The following OR56A3 variants were observed in gnomAD, a reference collection of about 807,000 sequenced individuals.
OR56A3 encodes olfactory receptor family 56 subfamily A member 3, also known as olfactory receptor 56A3.
In OR56A3, 23 loss-of-function variants were observed where a neutral mutation model predicts 17.5. The observed-to-expected ratio is 1.32, with a 90% CI of 0.95 to 1.87. OR56A3 has a LOEUF of 1.87. Ranked by LOEUF, OR56A3 falls within the 40% of genes most tolerant of loss-of-function variation. The probability of loss-of-function intolerance (pLI) is 0.00; values close to 1 mark genes in which losing one functional copy is unlikely to be tolerated. For missense variants in OR56A3, 366 were observed against 380.1 expected (o/e 0.96, Z 0.31); for synonymous variants, 175 against 150.6 (o/e 1.16, Z -1.19).
At chr11:5,972,950 C>G in the OR56A3 span, among the ~76,000 whole-genome samples, 1 of 152,196 alleles carries the variant, frequency 6.6e-6, no homozygotes, top group African/African-American at 2.4e-5. Flanking sequence ...GACTACTTGA[C>G]TACACAGACC....
the OR56A3 span, chr11:5,994,279 A>G: frequency 6.5e-6 from 4 of 613,426 alleles, no homozygotes; most frequent in African/African-American, 3.6e-5. Flanking sequence ...TCTCAGCTCC[A>G]TGAGTGTCAT....
chr11:5,962,554 C>T, the OR56A3 span, among the ~76,000 whole-genome samples: 8 of 132,496 alleles, frequency 6.0e-5, no homozygotes, highest in Non-Finnish European at 1.3e-4. Context: ...TTTTTTGAGA[C>T]GGAGTCTCTC....
chr11:5,994,484 A>G, the OR56A3 span: 8 of 761,330 alleles, frequency 1.1e-5, no homozygotes, highest in East Asian at 1.5e-4. Context: ...AGAGCTGGCA[A>G]TCTGAGCTTG....
downstream of OR56A3, among the ~76,000 whole-genome samples, chr11:5,955,230 C>T (rs879823386): frequency 9.9e-5 from 15 of 152,076 alleles, no homozygotes; most frequent in Non-Finnish European, 2.2e-4. Flanking sequence ...AGCTAATCTA[C>T]ATAAAAAGTA....
chr11:5,948,381 C>A lies in OR56A3; in HGVS notation c.*87C>A. 1.2e-6 allele frequency: 1 copy of A among 866,336 alleles called. No homozygotes were observed. Among genetic ancestry groups the A allele is most frequent in the Non-Finnish European group, 1.8e-6 (1 of 553,650 alleles). The allele number at this position is 866,336 out of a possible 1,614,324, so 53.7% of individuals were successfully genotyped here. A position where few individuals can be genotyped will look rare whatever the true frequency, so the allele number is the denominator to read the frequency against. On this transcript the variant is annotated 3_prime_UTR_variant, in exon 3 of 3. Transcript: ENST00000641160. Reference sequence around the variant, plus strand: ...AGTGGGCTGAAATTCATATCTGTGACTTATAACCTCAAACTGGGTACACTA... The same window carrying A: ...AGTGGGCTGAAATTCATATCTGTGAATTATAACCTCAAACTGGGTACACTA...
chr11:6,008,939 T>C, the OR56A3 span, among the ~76,000 whole-genome samples: 1 of 152,108 alleles, frequency 6.6e-6, no homozygotes, highest in African/African-American at 2.4e-5. Context: ...TGTTATTTCA[T>C]CTAATCCGAA....
At chr11:6,002,430 G>A in the OR56A3 span, 7 of 1,614,244 alleles carry the variant, frequency 4.3e-6, no homozygotes, top group East Asian at 8.9e-5. Flanking sequence ...AGAGAGTTTG[G>A]ACACAGACAG....
the OR56A3 span, among the ~76,000 whole-genome samples, chr11:5,989,350 G>A: frequency 6.6e-6 from 1 of 152,212 alleles, no homozygotes; most frequent in African/African-American, 2.4e-5. Context: ...AGTGTGAGCA[G>A]AGCAGTGAGG....
the OR56A3 span, among the ~76,000 whole-genome samples, chr11:5,996,042 T>C: frequency 1.3e-5 from 2 of 152,214 alleles, no homozygotes; most frequent in African/African-American, 2.4e-5. Flanking sequence ...GGCTCATCCA[T>C]ACTATAGCAC....
chr11:6,020,671 C>T, the OR56A3 span: 2 of 152,110 alleles, frequency 1.3e-5, no homozygotes, highest in African/African-American at 4.8e-5. Flanking sequence ...TATCCTGCAA[C>T]TTTACTAACG....
At chr11:5,987,868 C>T in the OR56A3 span, among the ~76,000 whole-genome samples, 5 of 152,178 alleles carry the variant, frequency 3.3e-5, no homozygotes, top group Non-Finnish European at 7.4e-5. Context: ...CTTCCCAATT[C>T]ACTCTCAACC....
the OR56A3 span, among the ~76,000 whole-genome samples, chr11:6,009,654 T>A: frequency 6.6e-6 from 1 of 152,200 alleles, no homozygotes; most frequent in Non-Finnish European, 1.5e-5. Context: ...CGCTCCTCTA[T>A]AGGTAATGTA....
chr11:6,015,017 G>GAAAAAAAAAAAAAAAA, the OR56A3 span, among the ~76,000 whole-genome samples: 5 of 39,538 alleles, frequency 1.3e-4, no homozygotes, highest in East Asian at 2.3e-3. Context: ...AAAAAAAAAT[G>GAAAAAAAAAAAAAAAA]ACCTGAAACT....
chr11:5,988,273 T>C, the OR56A3 span, among the ~76,000 whole-genome samples: 1 of 151,862 alleles, frequency 6.6e-6, no homozygotes, highest in Non-Finnish European at 1.5e-5. Context: ...CATAACTTTC[T>C]GACTTATCTC....
the OR56A3 span, among the ~76,000 whole-genome samples, chr11:6,009,696 T>C: frequency 1.2e-4 from 19 of 152,192 alleles, no homozygotes; most frequent in Non-Finnish European, 2.5e-4. Context: ...GAACTTTTTG[T>C]CTTTGGGGTT....
At chr11:5,996,485 C>T in the OR56A3 span, among the ~76,000 whole-genome samples, 3 of 151,408 alleles carry the variant, frequency 2.0e-5, no homozygotes, top group Non-Finnish European at 4.4e-5. Context: ...TCTTCCTCTA[C>T]TCCTACCTTA....
chr11:6,002,690 G>T, the OR56A3 span: 4 of 1,614,248 alleles, frequency 2.5e-6, no homozygotes, highest in Non-Finnish European at 2.5e-6. Flanking sequence ...ACATCTGGAG[G>T]AAGCAGGCTG....
At chr11:5,968,510 C>A in the OR56A3 span, 1 of 1,524,376 alleles carries the variant, frequency 6.6e-7, no homozygotes, top group Non-Finnish European at 8.9e-7. Context: ...AAATCCTCAG[C>A]TGAGAAAATT....
the OR56A3 span, among the ~76,000 whole-genome samples, chr11:5,995,726 T>C: frequency 1.3e-5 from 2 of 152,222 alleles, no homozygotes; most frequent in African/African-American, 4.8e-5. Context: ...ATAACTATCA[T>C]TTTTGTGGTG....
Sources: gnomAD v4.1 joint callset for allele counts (sites outside exome capture counted in the v4.1 genomes callset) on GRCh38, gnomAD v4.1.1 for gene constraint, MANE v1.5 for transcripts, NCBI Gene and HGNC (gene_info 2026-07-23, HGNC 2026-07-21) for gene names.